The following AKT3 variants were observed in gnomAD, a reference collection of about 807,000 sequenced individuals.
AKT3 encodes AKT serine/threonine kinase 3, also known as RAC-gamma serine/threonine-protein kinase.
AKT3 carries 15 observed loss-of-function variants against 65.3 expected under a neutral mutation model. The ratio of observed to expected loss-of-function variants is 0.23; its 90% confidence interval spans 0.15 to 0.35. The LOEUF (loss-of-function observed/expected upper bound fraction) is 0.35. AKT3 is among the 10% of genes least tolerant of loss of function. The pLI is 1.00. For missense variants in AKT3, 243 were observed against 576.5 expected (o/e 0.42, Z 5.92); for synonymous variants, 206 against 183.8 (o/e 1.12, Z -0.98).
Position 243,503,374 on chromosome 1 carries a change from C to A in AKT3, c.*1875G>T, listed in dbSNP as rs557453245. Reference sequence around the variant, plus strand: ...CATCTGCATATGAATATGATTCATCCTACTTAGAAAGTCACTTGCTCTTTC... The same window carrying A: ...CATCTGCATATGAATATGATTCATCATACTTAGAAAGTCACTTGCTCTTTC... On this transcript the variant is annotated 3_prime_UTR_variant, in exon 14 of 14. Transcript: ENST00000673466. 4.4e-4 allele frequency: 101 copies of A among 227,474 alleles called. 4 individuals carry two copies. In the South Asian group the frequency reaches 0.018, roughly 40 times the overall value. 14.1% of individuals were successfully genotyped at this position (227,474 alleles called of 1,614,324 possible).
At chr1:243,618,289 C>A (rs1209980361) in intron 6 of AKT3, among the ~76,000 whole-genome samples, 2 of 151,962 alleles carry the variant, frequency 1.3e-5, no homozygotes, top group African/African-American at 4.8e-5. Flanking sequence ...ATGTACATAC[C>A]AAAATGTATT....
chr1:243,706,109 G>A (rs1685780661), intron 2 of AKT3, among the ~76,000 whole-genome samples: 3 of 151,998 alleles, frequency 2.0e-5, no homozygotes, highest in African/African-American at 7.3e-5. Context: ...TAACCTTAAT[G>A]AATACCAAAT....
chr1:243,500,143 A>AT lies in AKT3; in HGVS notation c.*5105_*5106insA, dbSNP rs1669121240. On this transcript the variant is annotated 3_prime_UTR_variant, in exon 14 of 14. Coordinates refer to ENST00000673466, the MANE Select transcript of AKT3 (RefSeq NM_005465.7). ...CTTGTAGTGATGAACAAAACACACCAAAAAGGCACATATTTTAACTAGGCC... is the reference window on the plus strand; with the variant it reads ...CTTGTAGTGATGAACAAAACACACCATAAAAGGCACATATTTTAACTAGGCC... 3 of 305,522 alleles carry AT rather than the reference A, an allele frequency of 9.8e-6. No individual in the cohort carries two copies. The South Asian group carries it at 2.6e-4, about 27-fold the overall frequency. The allele number at this position is 305,522 out of a possible 1,614,324, so 18.9% of individuals were successfully genotyped here.
At chr1:243,536,623 G>A (rs1293782069) in intron 12 of AKT3, among the ~76,000 whole-genome samples, 1 of 152,028 alleles carries the variant, frequency 6.6e-6, no homozygotes, top group Non-Finnish European at 1.5e-5. Flanking sequence ...TTTTATTCTA[G>A]GTGAGATTTT....
intron 6 of AKT3, among the ~76,000 whole-genome samples, chr1:243,636,894 G>C (rs948516929): frequency 6.6e-6 from 1 of 152,092 alleles, no homozygotes; most frequent in African/African-American, 2.4e-5. Flanking sequence ...GTTTCACAAA[G>C]TGTAAGGGGC....
chr1:243,577,741 G>A (rs1675046782), intron 8 of AKT3, among the ~76,000 whole-genome samples: 1 of 152,048 alleles, frequency 6.6e-6, no homozygotes, highest in African/African-American at 2.4e-5. Context: ...TACCATCAGA[G>A]TGAACAGACA....
chr1:243,735,320 G>T (rs1687780809), intron 2 of AKT3, among the ~76,000 whole-genome samples: 1 of 152,142 alleles, frequency 6.6e-6, no homozygotes, highest in Admixed American at 6.5e-5. Context: ...AATGCATTGT[G>T]CTATGATGTT....
intron 2 of AKT3, among the ~76,000 whole-genome samples, chr1:243,715,391 C>T (rs569095035): frequency 5.3e-5 from 8 of 152,160 alleles, no homozygotes; most frequent in Admixed American, 3.9e-4. Context: ...TACTGCTTTA[C>T]AGTTTACCAA....
intron 1 of AKT3, 86 bp downstream of exon 1, chr1:243,849,954 G>A: frequency 1.1e-6 from 1 of 934,672 alleles, no homozygotes; most frequent in Non-Finnish European, 1.3e-6. Flanking sequence ...CCTGAGGGAG[G>A]CAGGGAGGGC....
intron 4 of AKT3, among the ~76,000 whole-genome samples, chr1:243,649,357 G>A (rs7514202): frequency 0.78 from 114,757 of 147,844 alleles, 45,444 homozygotes; most frequent in Non-Finnish European, 0.86. Flanking sequence ...GTGTGTGTGT[G>A]TATGTTGGGT....
chr1:243,834,653 G>A (rs138387111), intron 2 of AKT3, among the ~76,000 whole-genome samples: 11 of 151,534 alleles, frequency 7.3e-5, no homozygotes, highest in East Asian at 3.9e-4. Flanking sequence ...CCCGGATGAC[G>A]AAATAATCTG....
At chr1:243,697,283 C>A (rs1329310816) in intron 2 of AKT3, among the ~76,000 whole-genome samples, 1 of 151,946 alleles carries the variant, frequency 6.6e-6, no homozygotes, top group South Asian at 2.1e-4. Flanking sequence ...TAATGTCTGG[C>A]TTAATAGAAG....
chr1:243,676,756 TAAC>T (rs1204654158), intron 3 of AKT3, among the ~76,000 whole-genome samples: 1 of 152,222 alleles, frequency 6.6e-6, no homozygotes, highest in African/African-American at 2.4e-5. Flanking sequence ...ACATTCATGT[TAAC>T]AGTTTGTTCG....
intron 2 of AKT3, among the ~76,000 whole-genome samples, chr1:243,803,653 C>T (rs924769636): frequency 1.2e-5 from 1 of 83,688 alleles, no homozygotes; most frequent in Admixed American, 1.1e-4. Context: ...TGTACACACA[C>T]ACACACACAC....
chr1:243,842,758 T>A (rs554144158), intron 2 of AKT3, among the ~76,000 whole-genome samples: 1 of 152,320 alleles, frequency 6.6e-6, no homozygotes, highest in South Asian at 2.1e-4. Flanking sequence ...ATTTATATAT[T>A]TACATGTGAT....
rs1031120360 is a variant in AKT3 at position 243,505,054 on chromosome 1, A to C, written c.*195T>G. 1.8e-6 allele frequency: 1 copy of C among 551,872 alleles called. No homozygotes were observed. Among genetic ancestry groups the C allele is most frequent in the African/African-American group, 1.9e-5 (1 of 52,806 alleles). The allele number at this position is 551,872 out of a possible 1,614,324, so 34.2% of individuals were successfully genotyped here. ...TAGACTGAGATACAATTTCATGCAAAAACAAAAACTGGAGTGTATTTGCGT... is the reference window on the plus strand; with the variant it reads ...TAGACTGAGATACAATTTCATGCAACAACAAAAACTGGAGTGTATTTGCGT... On this transcript the variant is annotated 3_prime_UTR_variant, in exon 14 of 14. Coordinates refer to ENST00000673466, the MANE Select transcript of AKT3 (RefSeq NM_005465.7).
At chr1:243,798,263 G>A (rs1692156407) in intron 2 of AKT3, among the ~76,000 whole-genome samples, 1 of 138,052 alleles carries the variant, frequency 7.2e-6, no homozygotes, top group South Asian at 2.3e-4. Context: ...AGACTGGAGT[G>A]CTGCAGTGGC....
In AKT3 at chr1:243,722,236, A is replaced by C. The variant is rs531673047; in HGVS notation, c.47-26520T>G. Reference sequence around the variant, plus strand: ...GACTAGACTGCGAGCTTAAGGTTTTATTATATTATGCTTACATTTGAACTG... The same window carrying C: ...GACTAGACTGCGAGCTTAAGGTTTTCTTATATTATGCTTACATTTGAACTG... On this transcript the variant is annotated intron_variant, in intron 2 of 13. Transcript: ENST00000673466. 2.0e-5 allele frequency among the ~76,000 whole-genome samples: 3 copies of C among 152,324 alleles called. No homozygotes were observed. In the South Asian group the frequency reaches 6.2e-4, roughly 32 times the overall value.
At chr1:243,671,968 T>C (rs534881194) in intron 3 of AKT3, among the ~76,000 whole-genome samples, 32 of 152,338 alleles carry the variant, frequency 2.1e-4, no homozygotes, top group African/African-American at 6.0e-4. Context: ...TAGGAATGTC[T>C]GTTCCCTCTT....
Sources: gnomAD v4.1 joint callset for allele counts (sites outside exome capture counted in the v4.1 genomes callset) on GRCh38, gnomAD v4.1.1 for gene constraint, MANE v1.5 for transcripts, NCBI Gene and HGNC (gene_info 2026-07-23, HGNC 2026-07-21) for gene names.